STK32B: variants seen among roughly 807,000 people sequenced by gnomAD.
STK32B encodes serine/threonine-protein kinase 32B.
STK32B carries 43 observed loss-of-function variants against 52.6 expected under a neutral mutation model. The observed-to-expected ratio is 0.82, with a 90% CI of 0.64 to 1.05. The LOEUF (loss-of-function observed/expected upper bound fraction) is 1.05, where lower values mean the gene tolerates loss of function less well. Among genes scored for constraint, STK32B ranks in the 50% least tolerant of loss-of-function variants. STK32B has a pLI of 0.00. For missense variants in STK32B, 621 were observed against 534.6 expected, an observed-to-expected ratio of 1.16 and a Z score of -1.59; for synonymous variants, 238 against 204.3, an observed-to-expected ratio of 1.17 and a Z score of -1.41.
intron 3 of STK32B, among the ~76,000 whole-genome samples, chr4:5,242,124 T>C (rs907644522): frequency 6.6e-6 from 1 of 152,232 alleles, no homozygotes. Context: ...ATGGTATTTG[T>C]AGTTCTAGAT....
At chr4:5,308,704 T>G (rs1216195048) in intron 3 of STK32B, among the ~76,000 whole-genome samples, 1 of 152,162 alleles carries the variant, frequency 6.6e-6, no homozygotes, top group Non-Finnish European at 1.5e-5. Context: ...TAACGTGTAG[T>G]TGGTATTCAG....
At chr4:5,341,386 C>A (rs750597839) in intron 4 of STK32B, among the ~76,000 whole-genome samples, 10 of 152,186 alleles carry the variant, frequency 6.6e-5, no homozygotes, top group Non-Finnish European at 8.8e-5. Context: ...CAGTCACATC[C>A]GCTAATTATT....
intron 1 of STK32B, among the ~76,000 whole-genome samples, chr4:5,137,764 G>GA (rs1198185598): frequency 1.3e-5 from 2 of 152,082 alleles, no homozygotes; most frequent in African/African-American, 2.4e-5. Context: ...TAACTCTAAG[G>GA]AAAAAAATGG....
the STK32B span, among the ~76,000 whole-genome samples, chr4:5,021,929 G>A: frequency 2.0e-5 from 3 of 152,154 alleles, no homozygotes; most frequent in Non-Finnish European, 4.4e-5. Context: ...CCAGGTGCAA[G>A]AGAATCGCCA....
chr4:5,124,135 C>A (rs1391046069), intron 1 of STK32B, among the ~76,000 whole-genome samples: 4 of 152,144 alleles, frequency 2.6e-5, no homozygotes, highest in Non-Finnish European at 4.4e-5. Context: ...AGTTTGTTGG[C>A]CAGGGGAACT....
chr4:5,137,586 T>A (rs1447290), intron 1 of STK32B, among the ~76,000 whole-genome samples: 5 of 152,116 alleles, frequency 3.3e-5, no homozygotes, highest in African/African-American at 1.2e-4. Flanking sequence ...CTTTATGGAA[T>A]GTAGGCCCCA....
chr4:5,356,672 A>G (rs980522910), intron 4 of STK32B, among the ~76,000 whole-genome samples: 8 of 152,062 alleles, frequency 5.3e-5, no homozygotes, highest in African/African-American at 1.4e-4. Context: ...CTGGTTACCT[A>G]TTATAGGTCT....
At chr4:5,422,780 A>G (rs1007553699) in intron 6 of STK32B, among the ~76,000 whole-genome samples, 2 of 152,152 alleles carry the variant, frequency 1.3e-5, no homozygotes, top group Non-Finnish European at 2.9e-5. Flanking sequence ...TGGTGTGGCT[A>G]TTGGAAGGAG....
chr4:5,101,337 A>G (rs1713778080), intron 1 of STK32B, among the ~76,000 whole-genome samples: 1 of 152,176 alleles, frequency 6.6e-6, no homozygotes, highest in Admixed American at 6.5e-5. Context: ...GGATGGATGT[A>G]CTCTAGTTGT....
Position 5,372,483 on chromosome 4 carries a change from G to A in STK32B, c.435-25724G>A, listed in dbSNP as rs116678017. 8.8e-3 allele frequency among the ~76,000 whole-genome samples: 1,339 copies of A among 152,160 alleles called. 6 individuals carry two copies. Among genetic ancestry groups the A allele is most frequent in the Non-Finnish European group, 0.013 (907 of 67,998 alleles). On this transcript the variant is annotated intron_variant, in intron 4 of 11. Coordinates refer to ENST00000282908, the MANE Select transcript of STK32B (RefSeq NM_018401.3). Reference sequence around the variant, plus strand: ...ACTCCCTTAGCACACATTCACATTCGAGACACGGCCATTACTATTCAATAT... The same window carrying A: ...ACTCCCTTAGCACACATTCACATTCAAGACACGGCCATTACTATTCAATAT...
At chr4:5,347,649 G>A (rs1733553961) in intron 4 of STK32B, among the ~76,000 whole-genome samples, 1 of 151,918 alleles carries the variant, frequency 6.6e-6, no homozygotes, top group African/African-American at 2.4e-5. Flanking sequence ...ATCTTGAATT[G>A]TAATCCCCAC....
intron 3 of STK32B, among the ~76,000 whole-genome samples, chr4:5,213,992 C>G: frequency 6.6e-6 from 1 of 152,110 alleles, no homozygotes; most frequent in East Asian, 1.9e-4. Context: ...TTGGCTTTTA[C>G]CTATTTAAAT....
chr4:5,211,933 C>T lies in STK32B; in HGVS notation c.260+43483C>T, dbSNP rs564172145. Among the ~76,000 whole-genome samples the T allele has an allele frequency of 2.2e-4, 33 of 152,070 alleles. No homozygotes were observed. In the South Asian group the frequency reaches 6.5e-3, roughly 30 times the overall value. ...AAACTGCTATTTATTGGGTATTTGC[C>T]ATAGTATTTTATCTTCATGACAACG... On this transcript the variant is annotated intron_variant, in intron 3 of 11. Transcript: ENST00000282908.
intron 3 of STK32B, among the ~76,000 whole-genome samples, chr4:5,205,353 A>ATT (rs1193963098): frequency 3.2e-4 from 48 of 152,182 alleles, no homozygotes; most frequent in African/African-American, 9.2e-4. Flanking sequence ...CAATGTCTAT[A>ATT]GTAAATCTCT....
intron 3 of STK32B, among the ~76,000 whole-genome samples, chr4:5,205,236 C>T (rs1439915058): frequency 4.6e-5 from 7 of 152,168 alleles, no homozygotes; most frequent in Non-Finnish European, 1.0e-4. Flanking sequence ...GTCGTTGCCT[C>T]TCCTTTGCCC....
chr4:5,357,048 C>T (rs964334550), intron 4 of STK32B, among the ~76,000 whole-genome samples: 3 of 144,658 alleles, frequency 2.1e-5, no homozygotes, highest in Non-Finnish European at 3.0e-5. Flanking sequence ...CACATATATA[C>T]ACACACACAT....
At chr4:5,257,620 G>A (rs1404744860) in intron 3 of STK32B, among the ~76,000 whole-genome samples, 2 of 152,162 alleles carry the variant, frequency 1.3e-5, no homozygotes, top group African/African-American at 2.4e-5. Flanking sequence ...TGCCATGATC[G>A]CTTCAGTGAC....
At chr4:5,410,666 T>TAAAC (rs1200239160) in intron 5 of STK32B, among the ~76,000 whole-genome samples, 2 of 152,222 alleles carry the variant, frequency 1.3e-5, no homozygotes, top group African/African-American at 4.8e-5. Flanking sequence ...CACGTGGGGT[T>TAAAC]ATTCCATCAG....
chr4:5,319,960 A>C (rs896590985), intron 3 of STK32B, among the ~76,000 whole-genome samples: 11 of 152,244 alleles, frequency 7.2e-5, no homozygotes, highest in Non-Finnish European at 8.8e-5. Context: ...TGAGAAACCT[A>C]AATCATGCAG....
Sources: gnomAD v4.1 joint callset for allele counts (sites outside exome capture counted in the v4.1 genomes callset) on GRCh38, gnomAD v4.1.1 for gene constraint, MANE v1.5 for transcripts, NCBI Gene and HGNC (gene_info 2026-07-23, HGNC 2026-07-21) for gene names.